LMF1: variants seen among roughly 807,000 people sequenced by gnomAD.
LMF1 encodes lipase maturation factor 1, also known as transmembrane protein 112.
A neutral mutation model predicts 60.6 loss-of-function variants in LMF1; 68 were observed. That is an observed-to-expected ratio of 1.12 (90% confidence interval 0.92 to 1.37). The LOEUF is 1.37. LMF1 is among the 40% of genes most tolerant of loss of function. The pLI, the probability that LMF1 is intolerant of heterozygous loss-of-function variation, is 0.00. For synonymous variants in LMF1, 418 were observed against 324.7 expected, an observed-to-expected ratio of 1.29 and a Z score of -3.09; for missense variants, 948 against 767.2, an observed-to-expected ratio of 1.24 and a Z score of -2.78.
At chr16:964,347 C>T (rs1235858284) in intron 1 of LMF1, among the ~76,000 whole-genome samples, 1 of 148,420 alleles carries the variant, frequency 6.7e-6, no homozygotes, top group Non-Finnish European at 1.5e-5. Context: ...TTTCTCTTTT[C>T]TCCTTTCAGA....
rs1373759115 is a variant in LMF1, at chr16:962,566, G to A, written c.194-7900C>T. The stretch of plus-strand genomic sequence containing the variant: ...ACGGGAAGGGCCCCGCACCTCTGTG[G>A]GCGTCTTCCCAAAACCCATCACCCA... On this transcript the variant is annotated intron_variant, in intron 1 of 10. Coordinates refer to ENST00000262301, the MANE Select transcript of LMF1 (RefSeq NM_022773.4). The surrounding 1 kb of genome is among the most constrained non-coding windows in gnomAD (Gnocchi z 4.5). 6.6e-6 allele frequency among the ~76,000 whole-genome samples: 1 copy of A among 152,182 alleles called. No homozygotes were observed. Among genetic ancestry groups the A allele is most frequent in the East Asian group, 1.9e-4 (1 of 5,174 alleles).
In LMF1 at chr16:853,728, A is replaced by C. The variant is rs1018167048; in HGVS notation, c.*804T>G. On this transcript the variant is annotated 3_prime_UTR_variant, in exon 11 of 11. Coordinates refer to ENST00000262301, the MANE Select transcript of LMF1 (RefSeq NM_022773.4). ...TAGGAATAAGAAAAATGTGCAGTAG[A>C]CGCTGTTTGTCCGACGATGATGAAA... 8.8e-6 allele frequency: 4 copies of C among 454,106 alleles called. No homozygotes were observed. Among genetic ancestry groups the C allele is most frequent in the Non-Finnish European group, 1.8e-5 (4 of 226,788 alleles). The allele number at this position is 454,106 out of a possible 1,614,324, so 28.1% of individuals were successfully genotyped here. A position where few individuals can be genotyped will look rare whatever the true frequency, so the allele number is the denominator to read the frequency against.
intron 4 of LMF1, among the ~76,000 whole-genome samples, chr16:908,005 T>A (rs2071012515): frequency 6.6e-6 from 1 of 152,182 alleles, no homozygotes. Flanking sequence ...GCCTGGCGGC[T>A]CCTCTGCGGG....
intron 2 of LMF1, among the ~76,000 whole-genome samples, chr16:946,492 G>C (rs543333107): frequency 3.9e-5 from 6 of 152,354 alleles, no homozygotes; most frequent in Middle Eastern, 3.4e-3. Context: ...CCAGGGCAGG[G>C]TGTCCGCTAA....
chr16:854,492 G>A lies in LMF1; in HGVS notation c.*40C>T, dbSNP rs775217435. On this transcript the variant is annotated 3_prime_UTR_variant, in exon 11 of 11. Transcript: ENST00000262301. The stretch of plus-strand genomic sequence containing the variant: ...AGGGAAGGGCAAACGTTGCTGAGCC[G>A]CCGAGGGGCTGGGTCTTCGCCTTTA... 39 of 1,574,656 alleles carry A rather than the reference G, an allele frequency of 2.5e-5. No individual in the cohort carries two copies. The highest frequency in any genetic ancestry group is 8.9e-5 in the Admixed American group (5 of 55,918).
chr16:955,102 GCACA>G (rs772038218), intron 1 of LMF1, among the ~76,000 whole-genome samples: 1 of 124,180 alleles, frequency 8.1e-6, no homozygotes, highest in African/African-American at 3.3e-5. Context: ...CGCGGTGTGT[GCACA>G]CACACACACA....
rs779463192 is a variant in LMF1 at position 893,034 on chromosome 16, G to A, written c.702C>T (p.Asp234=). ...CATAGTGGAAGTCCATGCAGGTGAG[G>A]TCTCGCCAGCACCGGTCCCCCCGGA... ...IKIRGDRCWR[D]LTCMDFHYET... Residue 234 remains aspartate, a synonymous_variant, in exon 5 of 11, where the codon GAC becomes GAT. Coordinates refer to ENST00000262301, the MANE Select transcript of LMF1 (RefSeq NM_022773.4). 1.9e-6 allele frequency: 3 copies of A among 1,552,070 alleles called. No homozygotes were observed. In the South Asian group the frequency reaches 3.6e-5, roughly 18 times the overall value.
intron 5 of LMF1, among the ~76,000 whole-genome samples, chr16:887,691 C>T (rs916551344): frequency 3.3e-5 from 5 of 152,184 alleles, no homozygotes; most frequent in Admixed American, 2.0e-4. Flanking sequence ...CATGAATGGC[C>T]TCTAGCCTCC....
At chr16:974,722 G>A (rs1287667421), upstream of LMF1, among the ~76,000 whole-genome samples, 2 of 152,210 alleles carry the variant, frequency 1.3e-5, no homozygotes, top group African/African-American at 2.4e-5. Flanking sequence ...CGGCTTCAGG[G>A]AGGAATGAGC....
Position 976,453 on chromosome 16 carries a change from G to C in LMF1, c.-135+4692C>G, listed in dbSNP as rs1184261096. ...CCACCAACGGAAGCGTTGATTCCAA[G>C]TCTCAGACACCGCCCCCAGGCTGGG... On this transcript the variant is annotated intron_variant, in intron 1 of 6. Coordinates refer to the LMF1 transcript ENST00000570014. The C allele has an allele frequency of 6.6e-6, 3 of 454,142 alleles. No individual in the cohort carries two copies. In the Admixed American group the frequency reaches 7.0e-5, roughly 11 times the overall value. 28.1% of individuals were successfully genotyped at this position (454,142 alleles called of 1,614,324 possible). A position where few individuals can be genotyped will look rare whatever the true frequency, so the allele number is the denominator to read the frequency against.
chr16:891,713 GCAT>G (rs1312164400), intron 5 of LMF1, among the ~76,000 whole-genome samples: 1 of 152,216 alleles, frequency 6.6e-6, no homozygotes, highest in African/African-American at 2.4e-5. Context: ...TGTCCTGAGG[GCAT>G]CTGGAGACAC....
chr16:886,536 A>G (rs12921450), intron 5 of LMF1, among the ~76,000 whole-genome samples: 311 of 87,446 alleles, frequency 3.6e-3, no homozygotes, highest in Middle Eastern at 0.021. Flanking sequence ...CCCACCCGAG[A>G]CCCCCGACAT....
At chr16:898,024 C>A (rs1335270892) in intron 4 of LMF1, among the ~76,000 whole-genome samples, 1 of 152,220 alleles carries the variant, frequency 6.6e-6, no homozygotes, top group Non-Finnish European at 1.5e-5. Flanking sequence ...GGAGGAGGGG[C>A]CTCGCCTCTG....
At chr16:902,541 C>T (rs910561979) in intron 4 of LMF1, 1 of 162,730 alleles carries the variant, frequency 6.1e-6, no homozygotes, top group African/African-American at 2.4e-5. Context: ...GTGCTCAACC[C>T]AGGGAAGGCC....
intron 10 of LMF1, among the ~76,000 whole-genome samples, chr16:863,133 T>TATTA (rs2069514397): frequency 1.3e-5 from 2 of 152,220 alleles, no homozygotes; most frequent in Non-Finnish European, 2.9e-5. Context: ...CGTAGTCGCT[T>TATTA]ATTATCCTTT....
At chr16:866,135 A>G (rs1017176159) in intron 10 of LMF1, among the ~76,000 whole-genome samples, 1 of 152,166 alleles carries the variant, frequency 6.6e-6, no homozygotes, top group Admixed American at 6.5e-5. Flanking sequence ...TTTTTCACCA[A>G]TGTCTTCCTG....
chr16:889,583 A>G (rs2070417418), intron 5 of LMF1, among the ~76,000 whole-genome samples: 1 of 152,162 alleles, frequency 6.6e-6, no homozygotes, highest in Non-Finnish European at 1.5e-5. Flanking sequence ...CGTCCCCTAC[A>G]GCATAGGGGC....
At position 895,405 on chromosome 16, in the gene LMF1, G is replaced by A. The variant is rs528416894; in HGVS notation, c.664-2333C>T. On this transcript the variant is annotated intron_variant, in intron 4 of 10. Coordinates refer to ENST00000262301, the MANE Select transcript of LMF1 (RefSeq NM_022773.4). ...GTTTGGTGATGGACCAGGGACCCCA[G>A]GCCAGCCAGGCCAACAGAAAACCAA... Among the ~76,000 whole-genome samples, 4 of 152,330 alleles carry A rather than the reference G, an allele frequency of 2.6e-5. No individual in the cohort carries two copies. The South Asian group carries it at 8.3e-4, about 32-fold the overall frequency.
chr16:896,824 A>T (rs1025754608), intron 4 of LMF1, among the ~76,000 whole-genome samples: 32 of 152,362 alleles, frequency 2.1e-4, no homozygotes, highest in Middle Eastern at 6.8e-3. Flanking sequence ...CTGATATGAG[A>T]CACTTAAAAA....
Sources: gnomAD v4.1 joint callset for allele counts (sites outside exome capture counted in the v4.1 genomes callset) on GRCh38, gnomAD v4.1.1 for gene constraint, Gnocchi (gnomAD v3.1) non-coding constraint, MANE v1.5 for transcripts, NCBI Gene and HGNC (gene_info 2026-07-23, HGNC 2026-07-21) for gene names.